HEATR1: variants seen among roughly 807,000 people sequenced by gnomAD.
HEATR1 encodes HEAT repeat-containing protein 1.
A neutral mutation model predicts 248.2 loss-of-function variants in HEATR1; 77 were observed. The observed-to-expected ratio is 0.31, with a 90% CI of 0.26 to 0.37. The LOEUF (loss-of-function observed/expected upper bound fraction) is 0.37. Ranked by LOEUF, HEATR1 falls within the 10% of genes least tolerant of loss-of-function variation. The probability of loss-of-function intolerance (pLI) is 1.00; values close to 1 mark genes in which losing one functional copy is unlikely to be tolerated. For missense variants in HEATR1, 2,420 were observed against 2,504.9 expected (o/e 0.97, Z 0.72); for synonymous variants, 897 against 923.1 (o/e 0.97, Z 0.51).
chr1:236,559,654 T>G, intron 34 of HEATR1, 60 bp downstream of exon 34: 3 of 1,521,982 alleles, frequency 2.0e-6, no homozygotes, highest in Middle Eastern at 1.9e-4. Flanking sequence ...TTTACATAAT[T>G]TCACAATAAT....
rs780628870 is a variant in HEATR1 at position 236,587,384 on chromosome 1, G to A, written c.1715+18C>T. On this transcript the variant is annotated intron_variant, in intron 14 of 44. Coordinates refer to ENST00000366582, the MANE Select transcript of HEATR1 (RefSeq NM_018072.6). ...ACTTCATCAATTCAAAATAGTATGA[G>A]GAGAAATGAATACATACCATTCTCC... 6.5e-6 allele frequency: 8 copies of A among 1,227,758 alleles called. No individual in the cohort carries two copies. The highest frequency in any genetic ancestry group is 9.0e-6 in the Non-Finnish European group (8 of 890,032). The allele number at this position is 1,227,758 out of a possible 1,614,324, so 76.1% of individuals were successfully genotyped here.
chr1:236,603,407 C>T, intron 2 of HEATR1, 31 bp from the exon 3 acceptor site: 1 of 1,578,730 alleles, frequency 6.3e-7, no homozygotes, highest in South Asian at 1.1e-5. Flanking sequence ...GTTTATTTAA[C>T]AATTCTTCGT....
In HEATR1 at chr1:236,565,796, A is replaced by G. The variant is rs775297577; in HGVS notation, c.4435+123T>C. 1.9e-4 allele frequency: 185 copies of G among 963,946 alleles called. 1 individual carries two copies. The highest frequency in any genetic ancestry group is 2.5e-4 in the Admixed American group (10 of 39,306). The allele number at this position is 963,946 out of a possible 1,614,324, so 59.7% of individuals were successfully genotyped here. ...TAAGGATTCAAGAAACTACACAATC[A>G]AATTAAAATGATTAACTTACTTTAA... On this transcript the variant is annotated intron_variant, in intron 31 of 44. Transcript: ENST00000366582.
At position 236,549,279 on chromosome 1, in the gene HEATR1, T is replaced by C. The variant is rs1234466703; in HGVS notation, c.*1623A>G. ...GTATCAGCAAGTTAAATGGTTCCATTTCTGTGATTTTTCTATTATTTGAGG... is the reference window on the plus strand; with the variant it reads ...GTATCAGCAAGTTAAATGGTTCCATCTCTGTGATTTTTCTATTATTTGAGG... On this transcript the variant is annotated 3_prime_UTR_variant, in exon 45 of 45. Transcript: ENST00000366582. The C allele has an allele frequency of 1.1e-5, 3 of 283,706 alleles. No homozygotes were observed. The highest frequency in any genetic ancestry group is 2.0e-5 in the Non-Finnish European group (3 of 153,786). The allele number at this position is 283,706 out of a possible 1,614,324, so 17.6% of individuals were successfully genotyped here.
chr1:236,573,369 G>C (rs1414040205), intron 24 of HEATR1, among the ~76,000 whole-genome samples: 1 of 152,154 alleles, frequency 6.6e-6, no homozygotes, highest in African/African-American at 2.4e-5. Flanking sequence ...TACTGCCCCA[G>C]AGATTCTTTA....
chr1:236,559,866 G>A lies in HEATR1; in HGVS notation c.4647-29C>T, dbSNP rs6685709. 1,672 of 1,574,540 alleles carry A rather than the reference G, an allele frequency of 1.1e-3. 22 individuals carry two copies. The African/African-American group carries it at 0.02, about 19-fold the overall frequency. On this transcript the variant is annotated intron_variant, in intron 33 of 44. Transcript: ENST00000366582. Reference sequence around the variant, plus strand: ...AAACACAGAGGCTCGCTCAGCAAACGGCAGCTGAAGGCACTCAGAGAACTT... The same window carrying A: ...AAACACAGAGGCTCGCTCAGCAAACAGCAGCTGAAGGCACTCAGAGAACTT...
Position 236,574,222 on chromosome 1 carries a change from C to A in HEATR1, c.3439G>T (p.Val1147Phe). The A allele has an allele frequency of 1.2e-6, 2 of 1,607,864 alleles. No individual in the cohort carries two copies. The highest frequency in any genetic ancestry group is 2.3e-5 in the South Asian group (2 of 88,776). Residue 1147 changes from valine (V) to phenylalanine (F), a missense_variant, in exon 24 of 45, where the codon GTC becomes TTC. Physicochemically the swap from Val to Phe is conservative, Grantham distance 50. Coordinates refer to ENST00000366582, the MANE Select transcript of HEATR1 (RefSeq NM_018072.6). ...NCKNSHCAQT[V>F]SSVFKGISVN... ...CTTACCCCTTTAAAAACACTGCTGA[C>A]AGTCTGAGCACAATGTGAGTTTTTA...
intron 20 of HEATR1, among the ~76,000 whole-genome samples, chr1:236,580,152 C>A (rs144996898): frequency 6.6e-6 from 1 of 152,308 alleles, no homozygotes; most frequent in East Asian, 1.9e-4. Flanking sequence ...TTCAATATCG[C>A]ATTCATTGTT....
At position 236,549,894 on chromosome 1, in the gene HEATR1, T is replaced by C. The variant is rs1458678403; in HGVS notation, c.*1008A>G. On this transcript the variant is annotated 3_prime_UTR_variant, in exon 45 of 45. Transcript: ENST00000366582. ...GACATTTCTTAGAAATATGCACTTCTATACTAGCAAGCTCTGTCTCTAAAA... is the reference window on the plus strand; with the variant it reads ...GACATTTCTTAGAAATATGCACTTCCATACTAGCAAGCTCTGTCTCTAAAA... The C allele has an allele frequency of 6.6e-6, 1 of 152,258 alleles. No homozygotes were observed. Among genetic ancestry groups the C allele is most frequent in the Non-Finnish European group, 1.5e-5 (1 of 68,046 alleles). The allele number at this position is 152,258 out of a possible 1,614,324, so 9.4% of individuals were successfully genotyped here. A position where few individuals can be genotyped will look rare whatever the true frequency, so the allele number is the denominator to read the frequency against.
intron 28 of HEATR1, among the ~76,000 whole-genome samples, chr1:236,570,161 T>A (rs556542341): frequency 1.3e-5 from 2 of 151,928 alleles, no homozygotes; most frequent in African/African-American, 4.8e-5. Context: ...TGGTGGCGGG[T>A]GCCTGTAGTC....
intron 30 of HEATR1, 32 bp from the exon 31 acceptor site, chr1:236,566,077 G>A (rs1356941189): frequency 6.2e-7 from 1 of 1,601,756 alleles, no homozygotes; most frequent in Non-Finnish European, 8.5e-7. Flanking sequence ...TAACAAATCT[G>A]TACTTAGGAA....
intron 22 of HEATR1, 63 bp from the exon 23 acceptor site, chr1:236,574,966 CAG>C (rs1292175354): frequency 1.4e-6 from 2 of 1,475,772 alleles, no homozygotes; most frequent in Non-Finnish European, 9.1e-7. Context: ...GCTCACTCTA[CAG>C]AGACACTCAA....
At position 236,558,371 on chromosome 1, in the gene HEATR1, G is replaced by A. The variant is rs1663033559; in HGVS notation, c.5070C>T (p.Val1690=). 1 of 1,614,034 alleles carries A rather than the reference G, an allele frequency of 6.2e-7. No homozygotes were observed. Residue 1690 remains valine (V), a synonymous_variant, in exon 36 of 45, where the codon GTC becomes GTT. Transcript: ENST00000366582. ...NFGAENPDPF[V]PVLNTAVKLI... The stretch of plus-strand genomic sequence containing the variant: ...GTTTCACAGCAGTGTTCAGCACTGG[G>A]ACAAAAGGATCTGGATTTTCTGCAC...
At chr1:236,568,517 A>G (rs1663333001) in intron 29 of HEATR1, among the ~76,000 whole-genome samples, 1 of 152,178 alleles carries the variant, frequency 6.6e-6, no homozygotes, top group South Asian at 2.1e-4. Context: ...TTACTGGGAG[A>G]GAGAACATCT....
At position 236,583,080 on chromosome 1, in the gene HEATR1, C is replaced by G; in HGVS notation, c.2358G>C (p.Ser786=). The G allele has an allele frequency of 6.2e-7, 1 of 1,614,078 alleles. No homozygotes were observed. The change falls in exon 18 of 45, where the codon TCG becomes TCC. Residue 786 remains serine, a synonymous_variant. Transcript: ENST00000366582. ...NSTQRVAVED[S]VFLVFSLKKF... ...TTTTCAAGGAAAATACAAGAAAAAC[C>G]GAGTCCTCCACGGCCACCCTCTGAG...
intron 32 of HEATR1, among the ~76,000 whole-genome samples, chr1:236,562,284 T>C (rs976458272): frequency 6.6e-6 from 1 of 152,252 alleles, no homozygotes; most frequent in Non-Finnish European, 1.5e-5. Context: ...TCTCAGCCTG[T>C]GGCTTTCTAT....
intron 7 of HEATR1, 74 bp downstream of exon 7, chr1:236,595,759 T>C (rs1664162153): frequency 6.7e-7 from 1 of 1,502,538 alleles, no homozygotes; most frequent in Non-Finnish European, 9.1e-7. Flanking sequence ...ATCACTTATC[T>C]TACAAAAAAA....
At chr1:236,560,541 G>A (rs906140299) in intron 33 of HEATR1, among the ~76,000 whole-genome samples, 4 of 152,122 alleles carry the variant, frequency 2.6e-5, no homozygotes, top group South Asian at 4.1e-4. Flanking sequence ...AAAGTCCTAC[G>A]CATAGCGCTA....
At chr1:236,589,270 A>G (rs1420116185) in intron 12 of HEATR1, among the ~76,000 whole-genome samples, 1 of 152,184 alleles carries the variant, frequency 6.6e-6, no homozygotes, top group African/African-American at 2.4e-5. Flanking sequence ...CACAACAAAG[A>G]CTATTATTCA....
Sources: allele counts gnomAD v4.1 joint callset (sites outside exome capture counted in the v4.1 genomes callset), GRCh38; gene constraint gnomAD v4.1.1; transcripts MANE v1.5; gene names NCBI Gene and HGNC (gene_info 2026-07-23, HGNC 2026-07-21).